Variants in KCTD1 observed in about 807,000 individuals in gnomAD.
KCTD1 encodes the protein BTB/POZ domain-containing protein KCTD1.
In KCTD1, 24 loss-of-function variants were observed where a neutral mutation model predicts 66.0. That is an observed-to-expected ratio of 0.36 (90% confidence interval 0.26 to 0.51). KCTD1 has a LOEUF of 0.51. Ranked by LOEUF, KCTD1 falls within the 20% of genes least tolerant of loss-of-function variation. KCTD1 has a pLI of 0.95. For missense variants in KCTD1, 943 were observed against 1,205.2 expected, an observed-to-expected ratio of 0.78 and a Z score of 3.22; for synonymous variants, 511 against 517.2, an observed-to-expected ratio of 0.99 and a Z score of 0.16.
At chr18:26,543,929 A>G (rs1282455289) in intron 1 of KCTD1, 1 of 152,226 alleles carries the variant, frequency 6.6e-6, no homozygotes, top group African/African-American at 2.4e-5. Flanking sequence ...ACAAAATTAT[A>G]AATCTCTATC....
chr18:26,550,765 C>A (rs1985534196), upstream of KCTD1, among the ~76,000 whole-genome samples: 1 of 152,250 alleles, frequency 6.6e-6, no homozygotes, highest in Admixed American at 6.5e-5. The surrounding 1 kb of genome is among the most constrained non-coding windows in gnomAD (Gnocchi z 5.4). Context: ...CTGCGGTGAG[C>A]AGCTAAGTTA....
rs964446861 is a variant in KCTD1 at position 26,595,093 on chromosome 18, C to T, written c.-16+34054G>A. ...ATTCTGTATCTCTGGAGAACTCTGA[C>T]TCATACAGACCCTTTTCCTCGATGT... On this transcript the variant is annotated intron_variant, in intron 1 of 4. Coordinates refer to the KCTD1 transcript ENST00000317932. 2.6e-5 allele frequency among the ~76,000 whole-genome samples: 4 copies of T among 152,218 alleles called. No individual in the cohort carries two copies. In the South Asian group the frequency reaches 8.3e-4, roughly 32 times the overall value.
intron 3 of KCTD1, among the ~76,000 whole-genome samples, chr18:26,461,291 T>TAAAG (rs1281162899): frequency 3.9e-5 from 6 of 152,182 alleles, no homozygotes; most frequent in African/African-American, 1.4e-4. Context: ...ACTTTCCATA[T>TAAAG]AAAGAAACTC....
chr18:26,465,769 T>C (rs1356359787), intron 3 of KCTD1, among the ~76,000 whole-genome samples: 1 of 152,110 alleles, frequency 6.6e-6, no homozygotes, highest in Non-Finnish European at 1.5e-5. Context: ...GCCTGATGTC[T>C]AGGGCGTGCT....
At chr18:26,481,941 C>T (rs1981672184) in intron 2 of KCTD1, among the ~76,000 whole-genome samples, 1 of 152,146 alleles carries the variant, frequency 6.6e-6, no homozygotes, top group East Asian at 1.9e-4. Context: ...AACGAGGAGG[C>T]AAGTCAACAT....
intron 4 of KCTD1, chr18:26,459,318 G>A (rs1980275125): frequency 3.2e-6 from 1 of 308,012 alleles, no homozygotes; most frequent in Non-Finnish European, 6.0e-6. Context: ...TGAACTCCTG[G>A]GCTCAAGTGA....
chr18:26,483,429 C>T (rs895521508), intron 2 of KCTD1, among the ~76,000 whole-genome samples: 5 of 152,008 alleles, frequency 3.3e-5, no homozygotes, highest in African/African-American at 7.3e-5. Flanking sequence ...CCACCACGCC[C>T]GGCTAGTTTT....
At chr18:26,511,776 G>A (rs1983343577) in intron 1 of KCTD1, among the ~76,000 whole-genome samples, 1 of 152,166 alleles carries the variant, frequency 6.6e-6, no homozygotes, top group African/African-American at 2.4e-5. Context: ...TTCCCTGGAG[G>A]AGGGAGAGAT....
At chr18:26,618,390 C>A (rs1271745232) in intron 1 of KCTD1, among the ~76,000 whole-genome samples, 2 of 152,176 alleles carry the variant, frequency 1.3e-5, no homozygotes, top group Admixed American at 6.5e-5. Flanking sequence ...AGAACCCTGC[C>A]AAGTGGACTA....
intron 2 of KCTD1, among the ~76,000 whole-genome samples, chr18:26,494,178 C>T (rs913378512): frequency 2.0e-5 from 3 of 151,882 alleles, no homozygotes; most frequent in Non-Finnish European, 2.9e-5. Context: ...GAGACCAGCC[C>T]TGGCAACATA....
intron 1 of KCTD1, among the ~76,000 whole-genome samples, chr18:26,538,882 T>C (rs570838567): frequency 6.6e-6 from 1 of 152,212 alleles, no homozygotes; most frequent in Non-Finnish European, 1.5e-5. Context: ...ATGAGGTTGC[T>C]CCAAATCCCA....
At chr18:26,572,891 C>T (rs1986141366) in intron 1 of KCTD1, among the ~76,000 whole-genome samples, 1 of 152,120 alleles carries the variant, frequency 6.6e-6, no homozygotes, top group African/African-American at 2.4e-5. Context: ...AGGTCCTCCT[C>T]AAAATGGCCC....
At chr18:26,654,424 T>C (rs1988090350) in intron 1 of KCTD1, among the ~76,000 whole-genome samples, 3 of 152,154 alleles carry the variant, frequency 2.0e-5, no homozygotes, top group Admixed American at 6.5e-5. Context: ...TCAGAGTAAG[T>C]TGAATGGTCG....
At chr18:26,499,394 C>G (rs1982640434) in intron 2 of KCTD1, among the ~76,000 whole-genome samples, 1 of 152,130 alleles carries the variant, frequency 6.6e-6, no homozygotes, top group Non-Finnish European at 1.5e-5. Flanking sequence ...TTCGTAGTAC[C>G]TATTCCAATA....
chr18:26,580,512 T>C (rs1054374216), intron 1 of KCTD1, among the ~76,000 whole-genome samples: 1 of 152,110 alleles, frequency 6.6e-6, no homozygotes, highest in Non-Finnish European at 1.5e-5. Flanking sequence ...TCAGCCTGCG[T>C]TGGTGTGGAG....
At chr18:26,513,213 G>A (rs982476846) in intron 1 of KCTD1, among the ~76,000 whole-genome samples, 94 of 150,252 alleles carry the variant, frequency 6.3e-4, no homozygotes, top group African/African-American at 2.2e-3. Flanking sequence ...TCAGCCTCCC[G>A]AGTAGCTGGG....
chr18:26,593,188 T>C (rs1036540128), intron 1 of KCTD1, among the ~76,000 whole-genome samples: 1 of 152,176 alleles, frequency 6.6e-6, no homozygotes, highest in African/African-American at 2.4e-5. Context: ...TCACTCTTGC[T>C]CTTGGACTGC....
At position 26,546,790 on chromosome 18, in the gene KCTD1, T is replaced by C; in HGVS notation, c.1747A>G (p.Asn583Asp). The change falls in exon 1 of 5, where the codon AAT (asparagine) becomes GAT (aspartate). Residue 583 changes from asparagine to aspartate, a missense_variant. Asn to Asp is a conservative substitution (Grantham distance 23, BLOSUM62 1). Coordinates refer to ENST00000580059, the MANE Select transcript of KCTD1 (RefSeq NM_001142730.3). ...GGAGAATTGGTGCTTCTGTGCCCAT[T>C]GGCTTCTGGAAGAAGAGGCAGGGGG... ...HDPLPLLPEA[N>D]GHRSTNSPTI... 2 of 1,549,404 alleles carry C rather than the reference T, an allele frequency of 1.3e-6. No homozygotes were observed. Among genetic ancestry groups the C allele is most frequent in the Non-Finnish European group, 1.7e-6 (2 of 1,146,226 alleles).
upstream of KCTD1, chr18:26,549,527 A>T (rs1392904781): frequency 3.3e-6 from 3 of 907,998 alleles, no homozygotes; most frequent in Non-Finnish European, 3.9e-6. Context: ...CAGGGGCCAC[A>T]GGGACCCTTC....
Sources: allele counts gnomAD v4.1 joint callset (sites outside exome capture counted in the v4.1 genomes callset), GRCh38; gene constraint gnomAD v4.1.1; non-coding constraint Gnocchi (gnomAD v3.1); transcripts MANE v1.5; gene names NCBI Gene and HGNC (gene_info 2026-07-23, HGNC 2026-07-21).